The following SYNJ2BP variants were observed in gnomAD, a reference collection of about 807,000 sequenced individuals.
SYNJ2BP encodes synaptojanin 2 binding protein, also known as synaptojanin-2-binding protein.
In SYNJ2BP, 10 loss-of-function variants were observed where a neutral mutation model predicts 16.9. The observed-to-expected ratio is 0.59, with a 90% CI of 0.36 to 1.00. SYNJ2BP has a LOEUF of 1.00. Among genes scored for constraint, SYNJ2BP ranks in the 50% least tolerant of loss-of-function variants. The pLI is 0.01. For missense variants in SYNJ2BP, 162 were observed against 186.7 expected (o/e 0.87, Z 0.77); for synonymous variants, 54 against 68.4 (o/e 0.79, Z 1.04).
chr14:70,375,582 C>T (rs562280695), intron 3 of SYNJ2BP, 94 bp downstream of exon 3: 15 of 1,459,916 alleles, frequency 1.0e-5, no homozygotes, highest in Non-Finnish European at 1.3e-5. Flanking sequence ...GAGGGTAAAA[C>T]AAAAAGCAAC....
intron 1 of SYNJ2BP, 132 bp downstream of exon 1, chr14:70,416,768 G>A: frequency 7.4e-6 from 10 of 1,344,092 alleles, no homozygotes; most frequent in Non-Finnish European, 1.0e-5. Context: ...TAAGCACCCC[G>A]AAGCGTTGCA....
chr14:70,384,937 T>C (rs544423790), intron 2 of SYNJ2BP, among the ~76,000 whole-genome samples: 1 of 152,306 alleles, frequency 6.6e-6, no homozygotes, highest in South Asian at 2.1e-4. Context: ...GCCCCTGATA[T>C]GTCTTCTATC....
chr14:70,387,657 C>G (rs1887887743), intron 2 of SYNJ2BP, among the ~76,000 whole-genome samples: 1 of 152,028 alleles, frequency 6.6e-6, no homozygotes, highest in South Asian at 2.1e-4. Context: ...TGGTGAAACC[C>G]TGTCTATACT....
At chr14:70,399,532 GAC>G (rs201212948) in intron 1 of SYNJ2BP, among the ~76,000 whole-genome samples, 2 of 152,160 alleles carry the variant, frequency 1.3e-5, no homozygotes, top group Admixed American at 6.5e-5. Flanking sequence ...GAGGGTGGGG[GAC>G]ACACAGTTGG....
At chr14:70,402,753 G>A (rs1486836585) in intron 1 of SYNJ2BP, among the ~76,000 whole-genome samples, 1 of 151,920 alleles carries the variant, frequency 6.6e-6, no homozygotes, top group African/African-American at 2.4e-5. Context: ...ATTCATGAAA[G>A]GGCTCCACTT....
chr14:70,397,991 A>G (rs1259088442), intron 1 of SYNJ2BP, among the ~76,000 whole-genome samples: 1 of 152,206 alleles, frequency 6.6e-6, no homozygotes, highest in African/African-American at 2.4e-5. Flanking sequence ...CCTAGCAGAG[A>G]CAGTAGCTCT....
At chr14:70,404,463 TTAAG>T (rs1566623852) in intron 1 of SYNJ2BP, among the ~76,000 whole-genome samples, 1 of 152,226 alleles carries the variant, frequency 6.6e-6, no homozygotes, top group Admixed American at 6.5e-5. Context: ...TTATGCTAAA[TTAAG>T]TAACAGATAA....
intron 1 of SYNJ2BP, among the ~76,000 whole-genome samples, chr14:70,409,049 C>T (rs1171886761): frequency 6.6e-6 from 1 of 152,102 alleles, no homozygotes; most frequent in African/African-American, 2.4e-5. Flanking sequence ...CAAGCATGCA[C>T]CACCAAACAC....
intron 1 of SYNJ2BP, among the ~76,000 whole-genome samples, chr14:70,390,849 C>A (rs1488938509): frequency 6.6e-6 from 1 of 151,592 alleles, no homozygotes; most frequent in Non-Finnish European, 1.5e-5. Flanking sequence ...AAAAGCATAC[C>A]TTAGCCAGGC....
At position 70,390,692 on chromosome 14, in the gene SYNJ2BP, T is replaced by A. The variant is rs528670551; in HGVS notation, c.65-2086A>T. Among the ~76,000 whole-genome samples, 3 of 149,868 alleles carry A rather than the reference T, an allele frequency of 2.0e-5. No homozygotes were observed. In the South Asian group the frequency reaches 6.4e-4, roughly 32 times the overall value. On this transcript the variant is annotated intron_variant, in intron 1 of 3. Transcript: ENST00000256366. ...CAAAAAAAAAAATAAAAAAGAGACA[T>A]ATGCGGGCTTTCTGAAAGTTCTCCC...
intron 1 of SYNJ2BP, among the ~76,000 whole-genome samples, chr14:70,398,964 T>C (rs1004042494): frequency 6.6e-6 from 1 of 152,068 alleles, no homozygotes; most frequent in Non-Finnish European, 1.5e-5. Context: ...GAGCAGATAG[T>C]GGGCCCCAGT....
intron 1 of SYNJ2BP, among the ~76,000 whole-genome samples, chr14:70,390,558 C>T (rs1014893647): frequency 6.6e-5 from 10 of 152,058 alleles, no homozygotes; most frequent in Non-Finnish European, 1.2e-4. Context: ...GTCCCAGCTA[C>T]TCGGGAGGCT....
intron 1 of SYNJ2BP, among the ~76,000 whole-genome samples, chr14:70,399,300 G>A (rs535095203): frequency 1.1e-4 from 17 of 152,144 alleles, no homozygotes; most frequent in East Asian, 1.9e-4. Flanking sequence ...CGCCCATCTC[G>A]GCCTCGCCCC....
Position 70,416,994 on chromosome 14 carries a change from G to T in SYNJ2BP, c.-31C>A. The T allele has an allele frequency of 1.2e-6, 2 of 1,614,038 alleles. No individual in the cohort carries two copies. The highest frequency in any genetic ancestry group is 1.7e-6 in the Non-Finnish European group (2 of 1,180,004). On this transcript the variant is annotated 5_prime_UTR_variant, in exon 1 of 4. Transcript: ENST00000256366. ...ACAGCTCGTCTGGCTTCCTACTTGG[G>T]TCAGCTGGAGTGCAGCACAGGTGAA...
At chr14:70,415,015 G>A (rs1031374420) in intron 1 of SYNJ2BP, among the ~76,000 whole-genome samples, 5 of 151,962 alleles carry the variant, frequency 3.3e-5, no homozygotes, top group Non-Finnish European at 5.9e-5. Context: ...AAGTTTAGGC[G>A]CACATATGGA....
Position 70,369,442 on chromosome 14 carries a change from G to A in SYNJ2BP, c.*3549C>T, listed in dbSNP as rs960300092. 1 of 152,222 alleles carries A rather than the reference G, an allele frequency of 6.6e-6. No individual in the cohort carries two copies. Among genetic ancestry groups the A allele is most frequent in the Non-Finnish European group, 1.5e-5 (1 of 68,040 alleles). 9.4% of individuals were successfully genotyped at this position (152,222 alleles called of 1,614,324 possible). ...GTTCCCCAGTAACGCTGATGCTTTT[G>A]TCAGGACCTTGCTTTGAGAACCACT... On this transcript the variant is annotated 3_prime_UTR_variant, in exon 4 of 4. Transcript: ENST00000256366.
chr14:70,402,060 G>GA (rs1379906149), intron 1 of SYNJ2BP, among the ~76,000 whole-genome samples: 2 of 152,254 alleles, frequency 1.3e-5, no homozygotes, highest in Non-Finnish European at 2.9e-5. Flanking sequence ...AAGGAACGCT[G>GA]AAAAAACACA....
intron 3 of SYNJ2BP, 22 bp downstream of exon 3, chr14:70,375,654 T>G: frequency 6.2e-7 from 1 of 1,602,758 alleles, no homozygotes; most frequent in East Asian, 2.2e-5. Context: ...GTGCCAGGTT[T>G]CTGGCTCAAA....
chr14:70,399,029 G>A lies in SYNJ2BP; in HGVS notation c.65-10423C>T, dbSNP rs115029153. Among the ~76,000 whole-genome samples the A allele has an allele frequency of 6.9e-3, 1,054 of 152,248 alleles. 6 individuals carry two copies. The highest frequency in any genetic ancestry group is 0.024 in the African/African-American group (1,004 of 41,550). ...GTCACCCAGATGCAGGGTGGACCCC[G>A]GGGATGCGGCCCCGCGGAGGCTGCT... On this transcript the variant is annotated intron_variant, in intron 1 of 3. Coordinates refer to ENST00000256366, the MANE Select transcript of SYNJ2BP (RefSeq NM_018373.3).
Sources: gnomAD v4.1 joint callset for allele counts (sites outside exome capture counted in the v4.1 genomes callset) on GRCh38, gnomAD v4.1.1 for gene constraint, MANE v1.5 for transcripts, NCBI Gene and HGNC (gene_info 2026-07-23, HGNC 2026-07-21) for gene names.